R3HDM1: variants seen among roughly 807,000 people sequenced by gnomAD.
The protein encoded by R3HDM1 is R3H domain-containing protein 1.
R3HDM1 carries 46 observed loss-of-function variants against 141.1 expected under a neutral mutation model. The ratio of observed to expected loss-of-function variants is 0.33; its 90% confidence interval spans 0.26 to 0.42. The LOEUF is 0.42. R3HDM1 is among the 10% of genes least tolerant of loss of function. The pLI, the probability that R3HDM1 is intolerant of heterozygous loss-of-function variation, is 1.00. For synonymous variants in R3HDM1, 435 were observed against 472.9 expected (o/e 0.92, Z 1.04); for missense variants, 1,184 against 1,368.3 (o/e 0.87, Z 2.12).
chr2:135,707,392 A>G (rs543524241), intron 21 of R3HDM1, among the ~76,000 whole-genome samples: 2 of 152,198 alleles, frequency 1.3e-5, no homozygotes, highest in African/African-American at 2.4e-5. Context: ...TGAATTATCT[A>G]TACGTCTCTC....
intron 7 of R3HDM1, among the ~76,000 whole-genome samples, chr2:135,626,627 T>C (rs1235754695): frequency 6.6e-6 from 1 of 152,230 alleles, no homozygotes; most frequent in East Asian, 1.9e-4. Flanking sequence ...TTTGATTGTG[T>C]AGTTATTTTT....
chr2:135,706,191 C>G (rs927004771), intron 21 of R3HDM1, among the ~76,000 whole-genome samples: 9 of 151,196 alleles, frequency 6.0e-5, no homozygotes, highest in Non-Finnish European at 8.8e-5. Flanking sequence ...TTTCATCAAT[C>G]TCCAGTGATC....
At chr2:135,636,869 A>G (rs1309634046) in intron 11 of R3HDM1, among the ~76,000 whole-genome samples, 3 of 152,184 alleles carry the variant, frequency 2.0e-5, no homozygotes, top group Non-Finnish European at 4.4e-5. Context: ...AACAAATTTT[A>G]TTGAGCACCT....
chr2:135,654,427 T>G (rs977801928), intron 18 of R3HDM1, among the ~76,000 whole-genome samples: 21 of 149,104 alleles, frequency 1.4e-4, no homozygotes, highest in Non-Finnish European at 2.2e-4. Context: ...AATGTTTTCT[T>G]TTGTTGTTGT....
At chr2:135,693,047 G>A (rs1275429613) in intron 21 of R3HDM1, among the ~76,000 whole-genome samples, 2 of 151,978 alleles carry the variant, frequency 1.3e-5, no homozygotes, top group African/African-American at 4.8e-5. Context: ...AATATTTGAG[G>A]CTTTGTAAGC....
At chr2:135,538,583 A>G (rs1696747605) in intron 1 of R3HDM1, among the ~76,000 whole-genome samples, 2 of 152,118 alleles carry the variant, frequency 1.3e-5, no homozygotes, top group Admixed American at 6.5e-5. Context: ...TCCTTGCCCT[A>G]TAAGCATTTT....
At position 135,617,452 on chromosome 2, in the gene R3HDM1, G is replaced by A. The variant is rs538165255; in HGVS notation, c.303+695G>A. On this transcript the variant is annotated intron_variant, in intron 5 of 26. Coordinates refer to ENST00000683871, the MANE Select transcript of R3HDM1 (RefSeq NM_001378107.1). Reference sequence around the variant, plus strand: ...TTAATGCTTGTTTGTAAAGAGACCAGCCAAGACTTCTTCTTGATAGGTTAT... The same window carrying A: ...TTAATGCTTGTTTGTAAAGAGACCAACCAAGACTTCTTCTTGATAGGTTAT... Among the ~76,000 whole-genome samples, 3 of 152,126 alleles carry A rather than the reference G, an allele frequency of 2.0e-5. No homozygotes were observed. The South Asian group carries it at 6.2e-4, about 32-fold the overall frequency.
intron 19 of R3HDM1, 57 bp from the exon 20 acceptor site, chr2:135,675,275 A>T (rs7584242): frequency 3.4e-6 from 5 of 1,468,742 alleles, no homozygotes; most frequent in East Asian, 2.3e-5. Flanking sequence ...ATTTTTTTTT[A>T]AATCTTACTA....
At chr2:135,716,209 A>T (rs1468546019) in intron 24 of R3HDM1, among the ~76,000 whole-genome samples, 1 of 152,196 alleles carries the variant, frequency 6.6e-6, no homozygotes, top group Non-Finnish European at 1.5e-5. Context: ...CTGAAGCGGG[A>T]GGATCACTTC....
At chr2:135,717,731 T>C (rs2076306979) in intron 24 of R3HDM1, among the ~76,000 whole-genome samples, 1 of 152,188 alleles carries the variant, frequency 6.6e-6, no homozygotes, top group Non-Finnish European at 1.5e-5. Flanking sequence ...ACTAAAATTC[T>C]CACACATTGG....
intron 23 of R3HDM1, among the ~76,000 whole-genome samples, chr2:135,712,281 A>G (rs1251482338): frequency 6.6e-6 from 1 of 152,036 alleles, no homozygotes; most frequent in Non-Finnish European, 1.5e-5. Flanking sequence ...CTCATCATTT[A>G]GAGACAGGGT....
intron 3 of R3HDM1, among the ~76,000 whole-genome samples, chr2:135,614,700 C>G (rs1365305341): frequency 6.6e-6 from 1 of 152,164 alleles, no homozygotes; most frequent in Non-Finnish European, 1.5e-5. Flanking sequence ...CTTAAAATTA[C>G]AAGAGATTAA....
intron 1 of R3HDM1, among the ~76,000 whole-genome samples, chr2:135,562,713 T>G (rs1191021143): frequency 1.3e-5 from 2 of 152,210 alleles, no homozygotes; most frequent in Admixed American, 6.5e-5. Flanking sequence ...GCTTTCATCT[T>G]TACATTCCTA....
chr2:135,567,232 T>G (rs1479864958), intron 1 of R3HDM1, among the ~76,000 whole-genome samples: 1 of 152,224 alleles, frequency 6.6e-6, no homozygotes, highest in Admixed American at 6.5e-5. Context: ...ACAATCCTGC[T>G]TCTCTTTATA....
chr2:135,649,435 T>C (rs2064888182), intron 16 of R3HDM1: 2 of 152,116 alleles, frequency 1.3e-5, no homozygotes, highest in African/African-American at 4.8e-5. Context: ...AGTAGGGTAA[T>C]TGGAATAGTT....
Position 135,638,630 on chromosome 2 carries a change from C to A in R3HDM1, c.916C>A (p.Gln306Lys). The A allele has an allele frequency of 6.2e-7, 1 of 1,609,576 alleles. No homozygotes were observed. The highest frequency in any genetic ancestry group is 8.5e-7 in the Non-Finnish European group (1 of 1,176,236). The change falls in exon 12 of 27, where the codon CAA (glutamine) becomes AAA (lysine). Residue 306 changes from glutamine (Q) to lysine (K), a missense_variant. This residue lies in a region of R3HDM1 where 240 missense variants were observed against 312.3 expected (regional missense o/e 0.77). Transcript: ENST00000683871. ...RIFSQDSLCS[Q>K]ENYIIDKRLQ... is the part of the protein sequence containing the mutation. ...TTCTTTTTTCTAGTCCCTGTGTTCCCAAGAGAATTACATTATTGACAAAAG... is the reference window on the plus strand; with the variant it reads ...TTCTTTTTTCTAGTCCCTGTGTTCCAAAGAGAATTACATTATTGACAAAAG...
At chr2:135,557,724 G>T (rs985930462) in intron 1 of R3HDM1, among the ~76,000 whole-genome samples, 11 of 152,212 alleles carry the variant, frequency 7.2e-5, no homozygotes, top group African/African-American at 2.7e-4. Flanking sequence ...CCAGGGACTG[G>T]AGTATAGTTC....
chr2:135,531,796 G>A (rs1488789675), intron 1 of R3HDM1, 163 bp downstream of exon 1: 1 of 985,274 alleles, frequency 1.0e-6, no homozygotes, highest in African/African-American at 1.7e-5. Flanking sequence ...CGGCGCTTCA[G>A]CCAGGGCCTT....
At chr2:135,623,360 T>C (rs2061681314) in intron 7 of R3HDM1, among the ~76,000 whole-genome samples, 4 of 152,186 alleles carry the variant, frequency 2.6e-5, no homozygotes, top group Admixed American at 2.0e-4. Flanking sequence ...CTCTAGATGT[T>C]AGCTTTCCAG....
Sources: allele counts gnomAD v4.1 joint callset (sites outside exome capture counted in the v4.1 genomes callset), GRCh38; gene constraint gnomAD v4.1.1; regional missense constraint gnomAD v4.1.1; transcripts MANE v1.5; gene names NCBI Gene and HGNC (gene_info 2026-07-23, HGNC 2026-07-21).